The following LRRTM4 variants were observed in gnomAD, a reference collection of about 807,000 sequenced individuals.
The protein encoded by LRRTM4 is leucine rich repeat transmembrane neuronal 4.
LRRTM4 carries 25 observed loss-of-function variants against 47.6 expected under a neutral mutation model. The observed-to-expected ratio is 0.53, with a 90% confidence interval of 0.38 to 0.73. The LOEUF (loss-of-function observed/expected upper bound fraction) is 0.73, where lower values mean the gene tolerates loss of function less well. Among genes scored for constraint, LRRTM4 ranks in the 30% least tolerant of loss-of-function variants. LRRTM4 has a pLI of 0.00. For synonymous variants in LRRTM4, 311 were observed against 269.5 expected, an observed-to-expected ratio of 1.15 and a Z score of -1.51; for missense variants, 638 against 713.4, an observed-to-expected ratio of 0.89 and a Z score of 1.20.
intron 3 of LRRTM4, among the ~76,000 whole-genome samples, chr2:77,314,652 G>T (rs963313298): frequency 6.6e-6 from 1 of 152,168 alleles, no homozygotes; most frequent in African/African-American, 2.4e-5. Flanking sequence ...AGATAGAGAT[G>T]AAAATAGTAC....
intron 3 of LRRTM4, among the ~76,000 whole-genome samples, chr2:76,784,810 C>T (rs1462560247): frequency 6.6e-6 from 1 of 151,932 alleles, no homozygotes; most frequent in African/African-American, 2.4e-5. Context: ...TTTGTTTTCA[C>T]AAAAATGAAA....
intron 3 of LRRTM4, among the ~76,000 whole-genome samples, chr2:77,426,666 T>A (rs998094976): frequency 6.6e-6 from 1 of 152,258 alleles, no homozygotes. Flanking sequence ...ATAAGGGCCT[T>A]CTTTTCCTCC....
chr2:77,344,925 A>G (rs1330571176), intron 3 of LRRTM4, among the ~76,000 whole-genome samples: 1 of 151,614 alleles, frequency 6.6e-6, no homozygotes, highest in African/African-American at 2.4e-5. Context: ...TTCTTTTCTC[A>G]TGCCCCAAAT....
chr2:76,847,182 A>G (rs537995881), intron 3 of LRRTM4, among the ~76,000 whole-genome samples: 14 of 152,222 alleles, frequency 9.2e-5, no homozygotes, highest in East Asian at 5.8e-4. Flanking sequence ...TTGTGAAATT[A>G]TATCTTTTGG....
intron 3 of LRRTM4, among the ~76,000 whole-genome samples, chr2:77,390,640 T>G (rs1030172378): frequency 1.3e-5 from 2 of 151,728 alleles, no homozygotes; most frequent in Non-Finnish European, 2.9e-5. Context: ...TATTATTAAA[T>G]ATGCTATAAA....
intron 3 of LRRTM4, among the ~76,000 whole-genome samples, chr2:77,007,504 A>G (rs1573443027): frequency 6.6e-6 from 1 of 152,190 alleles, no homozygotes; most frequent in East Asian, 1.9e-4. Context: ...AGAAATAGCC[A>G]TTTCCATTCA....
intron 3 of LRRTM4, among the ~76,000 whole-genome samples, chr2:77,444,932 T>TACACACACACACACAC (rs745467847): frequency 1.6e-4 from 19 of 122,010 alleles, no homozygotes; most frequent in African/African-American, 4.9e-4. Context: ...TCCTTTATTT[T>TACACACACACACACAC]ACACACACAC....
At chr2:77,318,716 T>C (rs1303184250) in intron 3 of LRRTM4, among the ~76,000 whole-genome samples, 2 of 152,196 alleles carry the variant, frequency 1.3e-5, no homozygotes, top group African/African-American at 4.8e-5. Context: ...AATTTTAGAA[T>C]GGGTAGTTTC....
intron 3 of LRRTM4, among the ~76,000 whole-genome samples, chr2:76,991,077 GA>G (rs1676989688): frequency 6.6e-6 from 1 of 151,524 alleles, no homozygotes; most frequent in South Asian, 2.1e-4. Flanking sequence ...AAGGCAGAAA[GA>G]AAACATTCTT....
intron 3 of LRRTM4, among the ~76,000 whole-genome samples, chr2:77,163,538 G>C (rs1672791554): frequency 6.6e-6 from 1 of 152,182 alleles, no homozygotes; most frequent in Non-Finnish European, 1.5e-5. Context: ...ATTTACCAAA[G>C]ATGACGTGAA....
chr2:76,935,134 T>C (rs867421610), intron 3 of LRRTM4, among the ~76,000 whole-genome samples: 1 of 152,118 alleles, frequency 6.6e-6, no homozygotes, highest in Non-Finnish European at 1.5e-5. Flanking sequence ...AAAGACAAAA[T>C]ATTAAAAATG....
At chr2:77,297,648 TAC>T (rs563179164) in intron 3 of LRRTM4, among the ~76,000 whole-genome samples, 176 of 152,346 alleles carry the variant, frequency 1.2e-3, no homozygotes, top group Non-Finnish European at 2.0e-3. Flanking sequence ...CAAGCCTGAG[TAC>T]AGTCTTCCCA....
At chr2:77,034,579 G>C (rs969268695) in intron 3 of LRRTM4, among the ~76,000 whole-genome samples, 1 of 151,864 alleles carries the variant, frequency 6.6e-6, no homozygotes, top group Non-Finnish European at 1.5e-5. Context: ...ACAGTCTGGA[G>C]TTTGTTGATT....
intron 3 of LRRTM4, among the ~76,000 whole-genome samples, chr2:77,286,212 G>T (rs1430768282): frequency 6.6e-6 from 1 of 151,908 alleles, no homozygotes; most frequent in East Asian, 1.9e-4. Context: ...GAGTATATAG[G>T]TTAAAATCCA....
intron 3 of LRRTM4, among the ~76,000 whole-genome samples, chr2:76,854,921 T>C (rs1274983997): frequency 1.3e-5 from 2 of 150,836 alleles, no homozygotes; most frequent in South Asian, 2.1e-4. Context: ...GATAGCCTCA[T>C]TAAAAAAAGA....
chr2:77,321,512 G>A (rs994662216), intron 3 of LRRTM4, among the ~76,000 whole-genome samples: 8 of 131,064 alleles, frequency 6.1e-5, no homozygotes, highest in African/African-American at 1.7e-4. Context: ...CCTGATTCTC[G>A]CATGCAGTAG....
At chr2:77,130,175 A>T (rs1467149080) in intron 3 of LRRTM4, among the ~76,000 whole-genome samples, 1 of 152,232 alleles carries the variant, frequency 6.6e-6, no homozygotes, top group Non-Finnish European at 1.5e-5. Context: ...TAAATCTATT[A>T]CTAGGGAAGT....
intron 3 of LRRTM4, among the ~76,000 whole-genome samples, chr2:77,264,609 T>A (rs1676003589): frequency 6.6e-6 from 1 of 152,072 alleles, no homozygotes. Context: ...TCAGTAGAAA[T>A]AAAAGAACAG....
chr2:77,318,472 A>G (rs946796770), intron 3 of LRRTM4, among the ~76,000 whole-genome samples: 3 of 152,120 alleles, frequency 2.0e-5, no homozygotes, highest in Admixed American at 2.0e-4. Context: ...CAGACCCAAA[A>G]CTTTCATAGA....
Sources: allele counts gnomAD v4.1 joint callset (sites outside exome capture counted in the v4.1 genomes callset), GRCh38; gene constraint gnomAD v4.1.1; transcripts MANE v1.5; gene names NCBI Gene and HGNC (gene_info 2026-07-23, HGNC 2026-07-21).